SLC25A45: variants seen among roughly 807,000 people sequenced by gnomAD.
SLC25A45 encodes the protein methylated amino-acid transporter SLC25A45.
SLC25A45 carries 22 observed loss-of-function variants against 23.0 expected under a neutral mutation model. That is an observed-to-expected ratio of 0.95 (90% CI 0.68 to 1.36). The LOEUF (loss-of-function observed/expected upper bound fraction) is 1.36, where lower values mean the gene tolerates loss of function less well. SLC25A45 is among the 40% of genes most tolerant of loss of function. SLC25A45 has a pLI of 0.00. For missense variants in SLC25A45, 355 were observed against 383.5 expected, an observed-to-expected ratio of 0.93 and a Z score of 0.62; for synonymous variants, 136 against 155.0, an observed-to-expected ratio of 0.88 and a Z score of 0.91.
At chr11:65,379,305 A>C in intron 5 of SLC25A45, 71 bp downstream of exon 5, 2 of 1,557,238 alleles carry the variant, frequency 1.3e-6, no homozygotes, top group Non-Finnish European at 1.7e-6. Context: ...TCGCCAGGGC[A>C]GGGTGGGAGA....
Position 65,376,923 on chromosome 11 carries a change from G to A in SLC25A45, c.493C>T (p.Arg165Ter), listed in dbSNP as rs757892610. 15 of 1,613,328 alleles carry A rather than the reference G, an allele frequency of 9.3e-6. No homozygotes were observed. The highest frequency in any genetic ancestry group is 8.3e-5 in the Admixed American group (5 of 59,946). ...CTCAGCGTCAGGGCCCAGGCTCCTC[G>A]GAACAGCCCCCGGGGCCCCTCCTCC... ...FREEGPRGLF[R>*]GAWALTLRDT... The change falls in exon 6 of 7, where the codon CGA (arginine) becomes TGA (stop). Residue 165 changes from arginine to a stop codon, truncating the protein, a stop_gained. Coordinates refer to ENST00000398802, the MANE Select transcript of SLC25A45 (RefSeq NM_182556.4). LOFTEE classifies it high-confidence loss of function.
chr11:65,377,092 C>T lies in SLC25A45; in HGVS notation c.340-16G>A. 1 of 1,608,278 alleles carries T rather than the reference C, an allele frequency of 6.2e-7. No homozygotes were observed. Among genetic ancestry groups the T allele is most frequent in the East Asian group, 2.2e-5 (1 of 44,814 alleles). On this transcript the variant is annotated splice_polypyrimidine_tract_variant and intron_variant, in intron 5 of 6. Coordinates refer to ENST00000398802, the MANE Select transcript of SLC25A45 (RefSeq NM_182556.4). Reference sequence around the variant, plus strand: ...GACAGTAGGCCTGTTGGTGATGAAACATGAGGGCCCCGGGTGGGGCTTTGG... The same window carrying T: ...GACAGTAGGCCTGTTGGTGATGAAATATGAGGGCCCCGGGTGGGGCTTTGG...
intron 2 of SLC25A45, 27 bp downstream of exon 2, chr11:65,381,888 G>A: frequency 2.5e-6 from 4 of 1,613,954 alleles, no homozygotes; most frequent in Non-Finnish European, 3.4e-6. Context: ...TGGGTGTGAT[G>A]TGACAGAAGG....
In SLC25A45 at chr11:65,376,167, G is replaced by GT; in HGVS notation, c.*239dup. The GT allele has an allele frequency of 1.8e-6, 1 of 563,192 alleles. No homozygotes were observed. Among genetic ancestry groups the GT allele is most frequent in the Non-Finnish European group, 3.2e-6 (1 of 315,538 alleles). 34.9% of individuals were successfully genotyped at this position (563,192 alleles called of 1,614,324 possible). A position where few individuals can be genotyped will look rare whatever the true frequency, so the allele number is the denominator to read the frequency against. ...AGCTCACTTGTGCCTCATGCTCCCT[G>GT]TTTCACAGATGTGGGAGGCAAAGGA... On this transcript the variant is annotated 3_prime_UTR_variant, in exon 7 of 7. Coordinates refer to ENST00000398802, the MANE Select transcript of SLC25A45 (RefSeq NM_182556.4).
At chr11:65,380,976 G>A (rs1335651596) in intron 2 of SLC25A45, 16 of 173,632 alleles carry the variant, frequency 9.2e-5, no homozygotes, top group Non-Finnish European at 1.6e-4. Flanking sequence ...CAAGGTATAG[G>A]GTGCTCACCT....
chr11:65,377,302 A>G (rs1855268127), intron 5 of SLC25A45: 1 of 1,391,944 alleles, frequency 7.2e-7, no homozygotes. Flanking sequence ...AGTGAGAGGC[A>G]CTGCCCCTCA....
In SLC25A45 at chr11:65,379,412, G is replaced by A. The variant is rs770019917; in HGVS notation, c.303C>T (p.His101=). ...ERRAQPPSYM[H]IFLAGCTGGF... ...CCCCGGTGCAGCCCGCTAGGAAGATGTGCATGTAGCTGGGCGGCTGGGCCC... is the reference window on the plus strand; with the variant it reads ...CCCCGGTGCAGCCCGCTAGGAAGATATGCATGTAGCTGGGCGGCTGGGCCC... Residue 101 remains histidine (H), a synonymous_variant, in exon 5 of 7, where the codon CAC becomes CAT. Transcript: ENST00000398802. 1.9e-6 allele frequency: 3 copies of A among 1,612,670 alleles called. No individual in the cohort carries two copies. Among genetic ancestry groups the A allele is most frequent in the South Asian group, 2.2e-5 (2 of 91,086 alleles).
intron 2 of SLC25A45, chr11:65,380,686 C>T (rs1855507787): frequency 6.7e-6 from 7 of 1,049,184 alleles, no homozygotes; most frequent in Non-Finnish European, 9.0e-6. Flanking sequence ...CTCCCCTCCA[C>T]CTGCCCACTG....
At chr11:65,379,015 C>T (rs942760973) in intron 5 of SLC25A45, 15 of 286,800 alleles carry the variant, frequency 5.2e-5, no homozygotes, top group Admixed American at 3.0e-4. Flanking sequence ...CACAGCTCTG[C>T]GGGGTGCTGG....
intron 2 of SLC25A45, chr11:65,381,287 C>T (rs1266462898): frequency 1.3e-5 from 2 of 153,732 alleles, no homozygotes; most frequent in African/African-American, 2.4e-5. Flanking sequence ...TGCGCCACCG[C>T]GCCTGGCTAA....
At position 65,379,330 on chromosome 11, in the gene SLC25A45, G is replaced by T; in HGVS notation, c.339+46C>A. ...AGGGTGGGAGAGGACAGATCGAGAT[G>T]ACCATCCCTATGACACCTGTGTGTG... On this transcript the variant is annotated intron_variant, in intron 5 of 6. Coordinates refer to ENST00000398802, the MANE Select transcript of SLC25A45 (RefSeq NM_182556.4). 1.9e-6 allele frequency: 3 copies of T among 1,593,904 alleles called. No homozygotes were observed. In the South Asian group the frequency reaches 3.3e-5, roughly 18 times the overall value.
At chr11:65,378,846 A>T (rs1322520502) in intron 5 of SLC25A45, 1 of 155,620 alleles carries the variant, frequency 6.4e-6, no homozygotes, top group East Asian at 1.9e-4. Flanking sequence ...CCCAAAGCCC[A>T]GATGACGGCA....
intron 4 of SLC25A45, 78 bp from the exon 5 acceptor site, chr11:65,379,639 C>T: frequency 6.9e-7 from 1 of 1,456,174 alleles, no homozygotes; most frequent in Non-Finnish European, 9.3e-7. Flanking sequence ...GCAAGGCAGC[C>T]TCTGGCTGGA....
chr11:65,382,151 G>A lies in SLC25A45; in HGVS notation c.-18-182C>T, dbSNP rs1303615853. ...CCGGTGACCCTGGCCACCTGGAGGA[G>A]TCGTGCAGAGTACAGTCTCACGGGC... On this transcript the variant is annotated intron_variant, in intron 1 of 6. Transcript: ENST00000398802. The surrounding 1 kb of genome is among the most constrained non-coding windows in gnomAD (Gnocchi z 4.4). 8 of 619,100 alleles carry A rather than the reference G, an allele frequency of 1.3e-5. No homozygotes were observed. Among genetic ancestry groups the A allele is most frequent in the Non-Finnish European group, 2.1e-5 (7 of 341,264 alleles). The allele number at this position is 619,100 out of a possible 1,614,324, so 38.4% of individuals were successfully genotyped here. A position where few individuals can be genotyped will look rare whatever the true frequency, so the allele number is the denominator to read the frequency against.
chr11:65,376,754 C>A, intron 6 of SLC25A45, 64 bp downstream of exon 6: 1 of 1,613,880 alleles, frequency 6.2e-7, no homozygotes, highest in Admixed American at 1.7e-5. Flanking sequence ...CTTCCCCAGT[C>A]CCCGCTGGAC....
Position 65,379,494 on chromosome 11 carries a change from A to G in SLC25A45, c.221T>C (p.Phe74Ser), listed in dbSNP as rs553288642. The G allele has an allele frequency of 1.8e-4, 296 of 1,614,086 alleles. 4 individuals carry two copies. In the South Asian group the frequency reaches 2.9e-3, roughly 16 times the overall value. Residue 74 changes from phenylalanine to serine, a missense_variant, in exon 5 of 7, where the codon TTT becomes TCT. Transcript: ENST00000398802. ...CAGCAGGGTGTTGCTATAGACCCCA[A>G]ACAGGACAGAGTTGACCACAGCTAT... ...ASIAVVNSVL[F>S]GVYSNTLLVL...
Position 65,379,520 on chromosome 11 carries a change from G to A in SLC25A45, c.195C>T (p.Ser65=). The change falls in exon 5 of 7, where the codon AGC becomes AGT. Residue 65 remains serine, a synonymous_variant. Coordinates refer to ENST00000398802, the MANE Select transcript of SLC25A45 (RefSeq NM_182556.4). ...FFKGMSFPIA[S]IAVVNSVLFG... ...ACAGGACAGAGTTGACCACAGCTAT[G>A]CTGGCAATGGGGAAGCTCATTCCCT... The A allele has an allele frequency of 1.2e-6, 2 of 1,613,238 alleles. No homozygotes were observed. The highest frequency in any genetic ancestry group is 1.7e-4 in the Middle Eastern group (1 of 6,060).
intron 5 of SLC25A45, 71 bp downstream of exon 5, chr11:65,379,305 A>G: frequency 6.4e-7 from 1 of 1,557,236 alleles, no homozygotes; most frequent in Non-Finnish European, 8.7e-7. Context: ...TCGCCAGGGC[A>G]GGGTGGGAGA....
At chr11:65,381,781 C>T in intron 2 of SLC25A45, 134 bp downstream of exon 2, 1 of 1,124,626 alleles carries the variant, frequency 8.9e-7, no homozygotes, top group East Asian at 2.4e-5. Flanking sequence ...TGGTCTCAAA[C>T]TCCTGGGCTC....
Sources: gnomAD v4.1 joint callset for allele counts on GRCh38, gnomAD v4.1.1 for gene constraint, Gnocchi (gnomAD v3.1) non-coding constraint, MANE v1.5 for transcripts, NCBI Gene and HGNC (gene_info 2026-07-23, HGNC 2026-07-21) for gene names.